Variants in EHD2 observed in about 807,000 individuals in gnomAD.
EHD2 encodes the protein EH domain containing 2, also known as EH domain-containing protein 2.
Under a neutral mutation model 41.0 loss-of-function variants are expected in EHD2, and 27 were observed. The ratio of observed to expected loss-of-function variants is 0.66; its 90% CI spans 0.49 to 0.91. The LOEUF (loss-of-function observed/expected upper bound fraction) is 0.91. Ranked by LOEUF, EHD2 falls within the 40% of genes least tolerant of loss-of-function variation. EHD2 has a pLI of 0.00. For missense variants in EHD2, 673 were observed against 773.9 expected, an observed-to-expected ratio of 0.87 and a Z score of 1.55; for synonymous variants, 342 against 341.0, an observed-to-expected ratio of 1.00 and a Z score of -0.03.
At chr19:47,721,378 G>A (rs1233347881) in intron 3 of EHD2, among the ~76,000 whole-genome samples, 3 of 151,496 alleles carry the variant, frequency 2.0e-5, no homozygotes, top group Non-Finnish European at 2.9e-5. Flanking sequence ...GCAGTGGTGC[G>A]ACCTCGGCTC....
In EHD2 at chr19:47,741,126, C is replaced by T. The variant is rs187506010; in HGVS notation, c.1326C>T (p.Ala442=). The part of the protein sequence containing the change: ...EDGEEGSDDE[A]EWVVTKDKSK... ...GCGAGGAGGGCTCGGACGACGAGGC[C>T]GAGTGGGTGGTGACCAAGGACAAGT... Residue 442 remains alanine (A), a synonymous_variant, in exon 6 of 6, where the codon GCC becomes GCT. Coordinates refer to ENST00000263277, the MANE Select transcript of EHD2 (RefSeq NM_014601.4). The surrounding 1 kb of genome is among the most constrained non-coding windows in gnomAD (Gnocchi z 4.5). 20 of 1,611,536 alleles carry T rather than the reference C, an allele frequency of 1.2e-5. No individual in the cohort carries two copies. In the South Asian group the frequency reaches 1.3e-4, roughly 11 times the overall value.
intron 3 of EHD2, among the ~76,000 whole-genome samples, chr19:47,722,076 C>T (rs1267441138): frequency 2.7e-5 from 4 of 150,214 alleles, no homozygotes; most frequent in Non-Finnish European, 5.9e-5. Context: ...ATAATACTAG[C>T]GGCCTCATAG....
Position 47,740,895 on chromosome 19 carries a change from G to A in EHD2, c.1095G>A (p.Ala365=), listed in dbSNP as rs754492527. The change falls in exon 6 of 6, where the codon GCG becomes GCA. Residue 365 remains alanine, a synonymous_variant. Transcript: ENST00000263277. ...CCCCACCACAGGAGCTGCTGATGGC[G>A]CACGACTTCACCAAGTTTCACTCGC... ...DCQKMQELLM[A]HDFTKFHSLK... 26 of 1,613,096 alleles carry A rather than the reference G, an allele frequency of 1.6e-5. No homozygotes were observed. The highest frequency in any genetic ancestry group is 1.7e-4 in the Middle Eastern group (1 of 6,060).
intron 3 of EHD2, 22 bp from the exon 4 acceptor site, chr19:47,725,790 T>C: frequency 6.4e-7 from 1 of 1,557,982 alleles, no homozygotes; most frequent in Non-Finnish European, 8.7e-7. Context: ...CTTGCGCCCC[T>C]GTCTCTCCAC....
chr19:47,738,342 G>A (rs1247815607), intron 5 of EHD2, among the ~76,000 whole-genome samples: 1 of 151,038 alleles, frequency 6.6e-6, no homozygotes, highest in African/African-American at 2.4e-5. Flanking sequence ...TTGCTCTGTT[G>A]CCCAGGTTGG....
intron 3 of EHD2, among the ~76,000 whole-genome samples, chr19:47,725,257 T>C: frequency 6.6e-6 from 1 of 151,290 alleles, no homozygotes; most frequent in East Asian, 2.0e-4. Context: ...AATGAAAAAA[T>C]GGAGGCCGTG....
intron 5 of EHD2, among the ~76,000 whole-genome samples, chr19:47,738,481 T>C (rs1018466129): frequency 1.3e-5 from 2 of 151,930 alleles, no homozygotes; most frequent in African/African-American, 2.4e-5. Flanking sequence ...TTTGTATTTT[T>C]GGTAGAGATG....
In EHD2 at chr19:47,718,499, C is replaced by G. The variant is rs372766861; in HGVS notation, c.405-10C>G. The G allele has an allele frequency of 1.3e-6, 2 of 1,568,434 alleles. No homozygotes were observed. The highest frequency in any genetic ancestry group is 1.4e-5 in the African/African-American group (1 of 73,974). On this transcript the variant is annotated splice_polypyrimidine_tract_variant and intron_variant, in intron 2 of 5. Transcript: ENST00000263277. ...TCCCTGTTGACCCCTGACCCTCCCT[C>G]TGCCCCCAGGTTCATGTGTGCCCAG... is the stretch of plus-strand genomic sequence containing the variant.
intron 3 of EHD2, among the ~76,000 whole-genome samples, chr19:47,721,162 GGGGTGTGTGT>G (rs369101654): frequency 0.088 from 12,127 of 138,236 alleles, 534 homozygotes; most frequent in Non-Finnish European, 0.11. Flanking sequence ...TGTGCTACTG[GGGGTGTGTGT>G]GTGTGTGTGT....
chr19:47,741,867 T>G lies in EHD2; in HGVS notation c.*435T>G. ...ACACAGTCACGCAAACACACACTAA[T>G]TCCTGGCAGGGCCCCCAGCCCCTCC... On this transcript the variant is annotated 3_prime_UTR_variant, in exon 6 of 6. Transcript: ENST00000263277. The surrounding 1 kb of genome is among the most constrained non-coding windows in gnomAD (Gnocchi z 4.5). 5 of 460,106 alleles carry G rather than the reference T, an allele frequency of 1.1e-5. No individual in the cohort carries two copies. The highest frequency in any genetic ancestry group is 2.0e-5 in the African/African-American group (1 of 50,364). The allele number at this position is 460,106 out of a possible 1,614,324, so 28.5% of individuals were successfully genotyped here.
rs764472619 is a variant in EHD2, at chr19:47,718,580, C to T, written c.476C>T (p.Ser159Leu). The change falls in exon 3 of 6, where the codon TCG becomes TTG. Residue 159 changes from serine to leucine, a missense_variant. Physicochemically the swap from Ser to Leu is moderately radical, Grantham distance 145. Coordinates refer to ENST00000263277, the MANE Select transcript of EHD2 (RefSeq NM_014601.4). ...ISIIDTPGILSGAKQRVSRGY... is the reference protein window; with the variant it reads ...ISIIDTPGILLGAKQRVSRGY... ...ATCATCGACACCCCGGGTATCCTGT[C>T]GGGTGCCAAGCAGAGAGTGAGCCGC... The T allele has an allele frequency of 6.5e-5, 103 of 1,575,228 alleles. No homozygotes were observed. Among genetic ancestry groups the T allele is most frequent in the East Asian group, 9.3e-5 (4 of 43,216 alleles).
rs775649453 is a variant in EHD2, at chr19:47,725,795, C to G, written c.503-17C>G. On this transcript the variant is annotated splice_polypyrimidine_tract_variant and intron_variant, in intron 3 of 5. Transcript: ENST00000263277. Reference sequence around the variant, plus strand: ...ATTTCTGCCCCTTGCGCCCCTGTCTCTCCACTCCCACTCCAGGCTACGACT... The same window carrying G: ...ATTTCTGCCCCTTGCGCCCCTGTCTGTCCACTCCCACTCCAGGCTACGACT... 1 of 1,564,284 alleles carries G rather than the reference C, an allele frequency of 6.4e-7. No homozygotes were observed. Among genetic ancestry groups the G allele is most frequent in the Non-Finnish European group, 8.7e-7 (1 of 1,149,680 alleles).
Position 47,718,662 on chromosome 19 carries a change from T to C in EHD2, c.502+56T>C, listed in dbSNP as rs575461023. 9.2e-6 allele frequency: 13 copies of C among 1,405,432 alleles called. No individual in the cohort carries two copies. The Admixed American group carries it at 1.3e-4, about 14-fold the overall frequency. 87.1% of individuals were successfully genotyped at this position (1,405,432 alleles called of 1,614,324 possible). A position where few individuals can be genotyped will look rare whatever the true frequency, so the allele number is the denominator to read the frequency against. On this transcript the variant is annotated intron_variant, in intron 3 of 5. Transcript: ENST00000263277. ...GAGGAGGGGCTGGGGCCTGGACTCCTGGGTCTGAGGGAGGAGGGACTGGGC... is the reference window on the plus strand; with the variant it reads ...GAGGAGGGGCTGGGGCCTGGACTCCCGGGTCTGAGGGAGGAGGGACTGGGC...
chr19:47,714,751 A>G (rs1216589150), intron 1 of EHD2, among the ~76,000 whole-genome samples: 2 of 151,968 alleles, frequency 1.3e-5, no homozygotes, highest in Non-Finnish European at 2.9e-5. Flanking sequence ...AAAAGCAGAG[A>G]TGAGCCGGCA....
intron 4 of EHD2, among the ~76,000 whole-genome samples, chr19:47,734,900 A>G (rs556197427): frequency 1.5e-4 from 23 of 151,640 alleles, no homozygotes; most frequent in African/African-American, 5.6e-4. Context: ...TAAACATACA[A>G]AAATTGACCA....
intron 3 of EHD2, among the ~76,000 whole-genome samples, chr19:47,723,058 C>T (rs1433772659): frequency 2.0e-5 from 3 of 152,222 alleles, no homozygotes; most frequent in Non-Finnish European, 4.4e-5. Flanking sequence ...TCTGCCTTCC[C>T]TCCTCCTGGA....
chr19:47,720,359 C>T (rs1311100901), intron 3 of EHD2, among the ~76,000 whole-genome samples: 2 of 151,864 alleles, frequency 1.3e-5, no homozygotes, highest in Non-Finnish European at 2.9e-5. Flanking sequence ...TTAGTAGAGA[C>T]GGGATTTCAC....
Position 47,719,688 on chromosome 19 carries a change from C to T in EHD2, c.502+1082C>T, listed in dbSNP as rs1973674315. Among the ~76,000 whole-genome samples, 1 of 152,070 alleles carries T rather than the reference C, an allele frequency of 6.6e-6. No homozygotes were observed. The highest frequency in any genetic ancestry group is 2.1e-4 in the South Asian group (1 of 4,822). ...GTCTCTGGCTGCCGTCCAGAGGCCC[C>T]ACGGGAGAAAGGCAGGAGGCAGCTG... On this transcript the variant is annotated intron_variant, in intron 3 of 5. Coordinates refer to ENST00000263277, the MANE Select transcript of EHD2 (RefSeq NM_014601.4). The surrounding 1 kb of genome is among the most constrained non-coding windows in gnomAD (Gnocchi z 4.1).
At chr19:47,726,483 C>T (rs1358333608) in intron 4 of EHD2, among the ~76,000 whole-genome samples, 5 of 151,716 alleles carry the variant, frequency 3.3e-5, no homozygotes, top group African/African-American at 1.2e-4. Flanking sequence ...TCTTCCTCCT[C>T]CTCCTCCTTC....
Sources: allele counts gnomAD v4.1 joint callset (sites outside exome capture counted in the v4.1 genomes callset), GRCh38; gene constraint gnomAD v4.1.1; non-coding constraint Gnocchi (gnomAD v3.1); transcripts MANE v1.5; gene names NCBI Gene and HGNC (gene_info 2026-07-23, HGNC 2026-07-21).